The following ABRA variants were observed in gnomAD, a reference collection of about 807,000 sequenced individuals.
The protein encoded by ABRA is actin binding Rho activating protein.
ABRA carries 25 observed loss-of-function variants against 33.4 expected under a neutral mutation model. The ratio of observed to expected loss-of-function variants is 0.75; its 90% confidence interval spans 0.55 to 1.04. ABRA has a LOEUF of 1.04. Ranked by LOEUF, ABRA falls within the 50% of genes least tolerant of loss-of-function variation. The probability of loss-of-function intolerance (pLI) is 0.00; values close to 1 mark genes in which losing one functional copy is unlikely to be tolerated. For synonymous variants in ABRA, 193 were observed against 176.8 expected (o/e 1.09, Z -0.73); for missense variants, 501 against 491.7 (o/e 1.02, Z -0.18).
chr8:106,766,395 A>G (rs987119661), intron 1 of ABRA, among the ~76,000 whole-genome samples: 1 of 152,188 alleles, frequency 6.6e-6, no homozygotes, highest in African/African-American at 2.4e-5. Context: ...TCTGTGATAC[A>G]TAATTGTCTC....
rs555326923 is a variant in ABRA, at chr8:106,765,932, C to G, written c.668+3591G>C. 1.6e-3 allele frequency among the ~76,000 whole-genome samples: 250 copies of G among 152,310 alleles called. 2 individuals carry two copies. The highest frequency in any genetic ancestry group is 5.4e-3 in the South Asian group (26 of 4,824). ...TAAGTCTGTTCTCTACTAAGAGGGA[C>G]AGTCTAGCATAGTGGTTAAGAACAC... is the stretch of plus-strand genomic sequence containing the variant. On this transcript the variant is annotated intron_variant, in intron 1 of 1. Transcript: ENST00000311955.
At chr8:106,767,107 T>C (rs1327584692) in intron 1 of ABRA, among the ~76,000 whole-genome samples, 4 of 152,204 alleles carry the variant, frequency 2.6e-5, no homozygotes, top group African/African-American at 9.6e-5. Context: ...TTCCCTAATA[T>C]TTCTTCATCT....
chr8:106,761,466 A>T lies in ABRA; in HGVS notation c.717T>A (p.Tyr239Ter). 6.2e-7 allele frequency: 1 copy of T among 1,614,196 alleles called. No homozygotes were observed. The stretch of plus-strand genomic sequence containing the variant: ...TCCCTTTCAAGTTGCCCACTGGGCT[A>T]TATTTCTGTTGGGCTTTGCAGTTGA... ...EKLNCKAQQK[Y>*]SPVGNLKGRW... Residue 239 changes from tyrosine (Y) to a stop codon, truncating the protein, a stop_gained, in exon 2 of 2, where the codon TAT (tyrosine) becomes TAA (stop). Transcript: ENST00000311955. LOFTEE classifies it high-confidence loss of function.
rs760630690 is a variant in ABRA at position 106,761,520 on chromosome 8, G to A, written c.669-6C>T. 1.2e-6 allele frequency: 2 copies of A among 1,604,276 alleles called. No homozygotes were observed. Among genetic ancestry groups the A allele is most frequent in the South Asian group, 2.2e-5 (2 of 89,964 alleles). ...TCTCTGTAAATCTGTTTACCCTAAA[G>A]TAGAGAGAGGGTGAACAATCAAGAT... On this transcript the variant is annotated splice_polypyrimidine_tract_variant and splice_region_variant and intron_variant, in intron 1 of 1. Transcript: ENST00000311955.
rs761826173 is a variant in ABRA at position 106,761,003 on chromosome 8, TA to T, written c.*33del. 6.3e-6 allele frequency: 10 copies of T among 1,584,918 alleles called. No individual in the cohort carries two copies. The East Asian group carries it at 2.0e-4, about 32-fold the overall frequency. On this transcript the variant is annotated 3_prime_UTR_variant, in exon 2 of 2. Transcript: ENST00000311955. ...ACATGAGCATTTAGCATTAAGACCA[TA>T]GTGGGCCAAATTTGGCTTTTGTTTT...
intron 1 of ABRA, among the ~76,000 whole-genome samples, chr8:106,762,293 A>G (rs187992769): frequency 1.4e-4 from 22 of 152,334 alleles, no homozygotes; most frequent in Admixed American, 1.3e-3. Flanking sequence ...CCTGTCTATA[A>G]CTGTGAAATA....
intron 1 of ABRA, among the ~76,000 whole-genome samples, chr8:106,768,386 G>T (rs756081047): frequency 2.6e-5 from 4 of 152,138 alleles, no homozygotes; most frequent in Non-Finnish European, 5.9e-5. Context: ...GTGAGTGTAT[G>T]TATGTGTATT....
chr8:106,766,426 G>A (rs1222307737), intron 1 of ABRA, among the ~76,000 whole-genome samples: 1 of 151,954 alleles, frequency 6.6e-6, no homozygotes, highest in Non-Finnish European at 1.5e-5. Context: ...GATACAGGGA[G>A]AGAAGGGTGC....
At chr8:106,764,926 T>C (rs1836193432) in intron 1 of ABRA, among the ~76,000 whole-genome samples, 1 of 152,176 alleles carries the variant, frequency 6.6e-6, no homozygotes, top group Non-Finnish European at 1.5e-5. Flanking sequence ...CAAAGTGTAT[T>C]TGGTTTAACT....
intron 1 of ABRA, among the ~76,000 whole-genome samples, chr8:106,765,661 T>C (rs770882914): frequency 2.6e-5 from 4 of 152,124 alleles, no homozygotes; most frequent in Non-Finnish European, 4.4e-5. Flanking sequence ...TGCTCAGCAG[T>C]TTTGCTGTCT....
chr8:106,768,815 T>A (rs1474371170), intron 1 of ABRA, among the ~76,000 whole-genome samples: 1 of 152,108 alleles, frequency 6.6e-6, no homozygotes, highest in Non-Finnish European at 1.5e-5. Flanking sequence ...GTGTGTTTTT[T>A]GGTAGATATG....
In ABRA at chr8:106,760,821, A is replaced by T. The variant is rs1836123993; in HGVS notation, c.*216T>A. 3.5e-6 allele frequency: 2 copies of T among 566,412 alleles called. No homozygotes were observed. The highest frequency in any genetic ancestry group is 3.2e-5 in the Admixed American group (1 of 31,378). 35.1% of individuals were successfully genotyped at this position (566,412 alleles called of 1,614,324 possible). On this transcript the variant is annotated 3_prime_UTR_variant, in exon 2 of 2. Coordinates refer to ENST00000311955, the MANE Select transcript of ABRA (RefSeq NM_139166.5). ...TCAACTATTAATACTATTATTATAC[A>T]TTAACATTCTATGTGCTTTCTGAAA... is the stretch of plus-strand genomic sequence containing the variant.
At chr8:106,768,235 C>T (rs1174742725) in intron 1 of ABRA, among the ~76,000 whole-genome samples, 2 of 152,064 alleles carry the variant, frequency 1.3e-5, no homozygotes, top group Non-Finnish European at 2.9e-5. Flanking sequence ...AATGTAATGA[C>T]ATCAGACATT....
intron 1 of ABRA, among the ~76,000 whole-genome samples, chr8:106,765,380 G>GT (rs900719485): frequency 2.0e-5 from 3 of 152,156 alleles, no homozygotes; most frequent in Non-Finnish European, 4.4e-5. Context: ...TCTCCGATCT[G>GT]TATGGAGAAA....
chr8:106,767,931 C>T (rs537265018), intron 1 of ABRA, among the ~76,000 whole-genome samples: 1 of 152,090 alleles, frequency 6.6e-6, no homozygotes, highest in South Asian at 2.1e-4. Flanking sequence ...CCCATCTCTA[C>T]TAAAAATACA....
At chr8:106,769,049 T>C (rs1399204392) in intron 1 of ABRA, among the ~76,000 whole-genome samples, 1 of 152,170 alleles carries the variant, frequency 6.6e-6, no homozygotes, top group Non-Finnish European at 1.5e-5. Flanking sequence ...TCCACCTGTT[T>C]AGAGTCAGAG....
chr8:106,765,313 C>G (rs1482832567), intron 1 of ABRA, among the ~76,000 whole-genome samples: 2 of 152,144 alleles, frequency 1.3e-5, no homozygotes, highest in Non-Finnish European at 2.9e-5. Flanking sequence ...TTGCCCTTCA[C>G]TTGAATCACC....
At chr8:106,767,927 T>C (rs1054299140) in intron 1 of ABRA, among the ~76,000 whole-genome samples, 1 of 152,064 alleles carries the variant, frequency 6.6e-6, no homozygotes, top group Non-Finnish European at 1.5e-5. Flanking sequence ...AAACCCCATC[T>C]CTACTAAAAA....
At chr8:106,764,754 C>T (rs988635377) in intron 1 of ABRA, among the ~76,000 whole-genome samples, 4 of 152,066 alleles carry the variant, frequency 2.6e-5, no homozygotes, top group African/African-American at 9.7e-5. Context: ...TTGTAATGCC[C>T]TCTAATTGGA....
Sources: allele counts gnomAD v4.1 joint callset (sites outside exome capture counted in the v4.1 genomes callset), GRCh38; gene constraint gnomAD v4.1.1; transcripts MANE v1.5; gene names NCBI Gene and HGNC (gene_info 2026-07-23, HGNC 2026-07-21).